Variants in CNTNAP4 observed in about 807,000 individuals in gnomAD.
CNTNAP4 encodes the protein contactin-associated protein-like 4.
In CNTNAP4, 98 loss-of-function variants were observed where a neutral mutation model predicts 148.4. The observed-to-expected ratio is 0.66, with a 90% CI of 0.56 to 0.78. The LOEUF is 0.78. Among genes scored for constraint, CNTNAP4 ranks in the 30% least tolerant of loss-of-function variants. CNTNAP4 has a pLI of 0.00. For missense variants in CNTNAP4, 1,935 were observed against 1,565.6 expected, an observed-to-expected ratio of 1.24 and a Z score of -3.98; for synonymous variants, 730 against 565.1, an observed-to-expected ratio of 1.29 and a Z score of -4.14.
intron 3 of CNTNAP4, among the ~76,000 whole-genome samples, chr16:76,364,170 G>A (rs1486506039): frequency 6.8e-6 from 1 of 146,010 alleles, no homozygotes; most frequent in Non-Finnish European, 1.5e-5. Flanking sequence ...CTGGGAGGTG[G>A]AGGTTGCGGT....
chr16:76,489,746 A>T lies in CNTNAP4; in HGVS notation c.1943A>T (p.Asn648Ile), dbSNP rs113366124. ...GACTTAACAAGAGTCAGAAATACTAATCCAGAGAACCCATATGCTGGGTTT... is the reference window on the plus strand; with the variant it reads ...GACTTAACAAGAGTCAGAAATACTATTCCAGAGAACCCATATGCTGGGTTT... ...GSDLTRVRNT[N>I]PENPYAGFFE... Residue 648 changes from asparagine to isoleucine, a missense_variant, in exon 13 of 24, where the codon AAT becomes ATT. Coordinates refer to ENST00000611870, the MANE Select transcript of CNTNAP4 (RefSeq NM_033401.5). The T allele has an allele frequency of 3.1e-6, 5 of 1,605,102 alleles. No individual in the cohort carries two copies. Among genetic ancestry groups the T allele is most frequent in the Non-Finnish European group, 4.3e-6 (5 of 1,175,406 alleles).
chr16:76,553,021 C>A (rs1003687416), intron 21 of CNTNAP4, among the ~76,000 whole-genome samples: 1 of 152,150 alleles, frequency 6.6e-6, no homozygotes, highest in Non-Finnish European at 1.5e-5. Context: ...CTTAACCTGA[C>A]CCATTCTTAT....
Position 76,538,218 on chromosome 16 carries a change from G to A in CNTNAP4, c.3098G>A (p.Gly1033Asp), listed in dbSNP as rs767166570. The A allele has an allele frequency of 6.2e-7, 1 of 1,608,000 alleles. No individual in the cohort carries two copies. Among genetic ancestry groups the A allele is most frequent in the Non-Finnish European group, 8.5e-7 (1 of 1,177,092 alleles). Reference sequence around the variant, plus strand: ...AGCTCCCACGCTGCTTCATTTCATGGTGATATGAAGCTGAGCAGAGAAATG... The same window carrying A: ...AGCTCCCACGCTGCTTCATTTCATGATGATATGAAGCTGAGCAGAGAAATG... ...NSSSHAASFH[G>D]DMKLSREMIK... is the part of the protein sequence containing the mutation. Residue 1033 changes from glycine to aspartate, a missense_variant, in exon 19 of 24, where the codon GGT becomes GAT. Coordinates refer to ENST00000611870, the MANE Select transcript of CNTNAP4 (RefSeq NM_033401.5).
chr16:76,529,633 A>G (rs1308590842), intron 17 of CNTNAP4, among the ~76,000 whole-genome samples: 1 of 152,220 alleles, frequency 6.6e-6, no homozygotes, highest in East Asian at 1.9e-4. Flanking sequence ...AAACGGGGCT[A>G]AATTTATTTC....
chr16:76,503,759 A>G (rs896952538), intron 15 of CNTNAP4, among the ~76,000 whole-genome samples: 3 of 148,942 alleles, frequency 2.0e-5, no homozygotes, highest in East Asian at 2.0e-4. Context: ...ATTCCCACCT[A>G]TGAGTGAGAA....
At position 76,523,237 on chromosome 16, in the gene CNTNAP4, G is replaced by A. The variant is rs9927485; in HGVS notation, c.2755+980G>A. On this transcript the variant is annotated intron_variant, in intron 17 of 23. Coordinates refer to ENST00000611870, the MANE Select transcript of CNTNAP4 (RefSeq NM_033401.5). ...GATGCCAAACATTGAACACTCCCCC[G>A]GCCCCCCCGCCCCACCAACCATCAC... Among the ~76,000 whole-genome samples, 219 of 64,132 alleles carry A rather than the reference G, an allele frequency of 3.4e-3. 1 individual carries two copies. Among genetic ancestry groups the A allele is most frequent in the African/African-American group, 0.013 (207 of 16,362 alleles). 42.1% of individuals were successfully genotyped at this position (64,132 alleles called of 152,430 possible). A position where few individuals can be genotyped will look rare whatever the true frequency, so the allele number is the denominator to read the frequency against.
intron 3 of CNTNAP4, among the ~76,000 whole-genome samples, chr16:76,355,762 A>G (rs2012519938): frequency 6.7e-6 from 1 of 149,876 alleles, no homozygotes; most frequent in Admixed American, 6.9e-5. Flanking sequence ...AGTCCATTAA[A>G]TAGTGTGGGA....
At chr16:76,485,565 A>G (rs1174007867) in intron 12 of CNTNAP4, among the ~76,000 whole-genome samples, 1 of 152,196 alleles carries the variant, frequency 6.6e-6, no homozygotes, top group Non-Finnish European at 1.5e-5. Flanking sequence ...TGAAAACTCT[A>G]TGGGTTAAAC....
chr16:76,303,329 T>A (rs945915823), intron 1 of CNTNAP4, among the ~76,000 whole-genome samples: 5 of 152,186 alleles, frequency 3.3e-5, no homozygotes, highest in Non-Finnish European at 7.3e-5. Context: ...TCTTTAAGTG[T>A]GATACTTTGA....
intron 2 of CNTNAP4, among the ~76,000 whole-genome samples, chr16:76,318,435 C>G (rs1340355883): frequency 2.0e-5 from 3 of 152,062 alleles, no homozygotes; most frequent in East Asian, 3.9e-4. Context: ...TTCTATGGCT[C>G]TTGGTAAAAC....
At chr16:76,306,849 T>G (rs1960527568) in intron 1 of CNTNAP4, among the ~76,000 whole-genome samples, 1 of 152,232 alleles carries the variant, frequency 6.6e-6, no homozygotes, top group African/African-American at 2.4e-5. Context: ...ATGAAGTTCT[T>G]GCAGTTCTGT....
At chr16:76,500,905 G>C (rs1173178541) in intron 15 of CNTNAP4, among the ~76,000 whole-genome samples, 5 of 151,938 alleles carry the variant, frequency 3.3e-5, no homozygotes, top group Non-Finnish European at 1.5e-5. Flanking sequence ...AGTACTTCCA[G>C]AACTTAAAAT....
chr16:76,348,989 G>A (rs1485781443), intron 2 of CNTNAP4, among the ~76,000 whole-genome samples: 1 of 152,068 alleles, frequency 6.6e-6, no homozygotes, highest in Non-Finnish European at 1.5e-5. Flanking sequence ...TGAAGCAGGA[G>A]AGAGGAGAAT....
intron 2 of CNTNAP4, among the ~76,000 whole-genome samples, chr16:76,317,300 A>G (rs890299774): frequency 8.4e-6 from 1 of 118,784 alleles, no homozygotes; most frequent in East Asian, 2.2e-4. Flanking sequence ...AACCCAAAAA[A>G]CCCCCCAAAA....
intron 3 of CNTNAP4, among the ~76,000 whole-genome samples, chr16:76,358,884 GTA>G (rs60473529): frequency 2.0e-5 from 3 of 152,118 alleles, no homozygotes; most frequent in East Asian, 1.9e-4. Context: ...GTATGTGTGT[GTA>G]TATATATGTA....
chr16:76,330,431 C>T (rs1042015584), intron 2 of CNTNAP4, among the ~76,000 whole-genome samples: 8 of 152,170 alleles, frequency 5.3e-5, no homozygotes, highest in Non-Finnish European at 1.2e-4. Flanking sequence ...TTTAAAGCAT[C>T]ATTGTGGCCT....
At chr16:76,413,573 A>AG (rs398119510) in intron 3 of CNTNAP4, among the ~76,000 whole-genome samples, 1 of 148,800 alleles carries the variant, frequency 6.7e-6, no homozygotes, top group Non-Finnish European at 1.5e-5. Flanking sequence ...TAAAAAAAAA[A>AG]CCCTCCAACT....
chr16:76,330,541 G>A (rs1344129705), intron 2 of CNTNAP4, among the ~76,000 whole-genome samples: 1 of 152,164 alleles, frequency 6.6e-6, no homozygotes, highest in Non-Finnish European at 1.5e-5. Context: ...TGCAGTGGTT[G>A]AACAGATAAT....
chr16:76,421,027 G>T (rs925969568), intron 3 of CNTNAP4, among the ~76,000 whole-genome samples: 2 of 151,870 alleles, frequency 1.3e-5, no homozygotes, highest in Non-Finnish European at 2.9e-5. Flanking sequence ...ACAATTTATT[G>T]CTGTGTTTCA....
Sources: allele counts gnomAD v4.1 joint callset (sites outside exome capture counted in the v4.1 genomes callset), GRCh38; gene constraint gnomAD v4.1.1; transcripts MANE v1.5; gene names NCBI Gene and HGNC (gene_info 2026-07-23, HGNC 2026-07-21).